TYR: variants seen among roughly 807,000 people sequenced by gnomAD.
The protein encoded by TYR is tyrosinase, also known as LB24-AB.
TYR carries 58 observed loss-of-function variants against 51.5 expected under a neutral mutation model. The ratio of observed to expected loss-of-function variants is 1.13; its 90% confidence interval spans 0.91 to 1.40. TYR has a LOEUF of 1.40. TYR is among the 40% of genes most tolerant of loss of function. The probability of loss-of-function intolerance (pLI) is 0.00; values close to 1 mark genes in which losing one functional copy is unlikely to be tolerated. For missense variants in TYR, 732 were observed against 647.4 expected, an observed-to-expected ratio of 1.13 and a Z score of -1.42; for synonymous variants, 263 against 235.2, an observed-to-expected ratio of 1.12 and a Z score of -1.08.
chr11:89,210,694 A>C (rs1203087782), intron 2 of TYR, among the ~76,000 whole-genome samples: 1 of 152,244 alleles, frequency 6.6e-6, no homozygotes. Flanking sequence ...AATGAAGGAA[A>C]AAGTGTTAAA....
chr11:89,263,300 T>C (rs1343625037), intron 3 of TYR, among the ~76,000 whole-genome samples: 2 of 151,908 alleles, frequency 1.3e-5, no homozygotes, highest in Non-Finnish European at 2.9e-5. Context: ...GTACCTTTCA[T>C]GATTTAAAAA....
intron 2 of TYR, among the ~76,000 whole-genome samples, chr11:89,205,197 T>C (rs78723780): frequency 0.018 from 2,737 of 151,712 alleles, 78 homozygotes; most frequent in African/African-American, 0.062. Context: ...GATAGAAAAA[T>C]AGAAATTACC....
intron 3 of TYR, among the ~76,000 whole-genome samples, chr11:89,249,396 G>A (rs1390358133): frequency 1.4e-5 from 2 of 140,674 alleles, no homozygotes; most frequent in African/African-American, 2.7e-5. Context: ...GTCAGCAAAA[G>A]CAAAGAAGAC....
At chr11:89,283,493 C>T (rs12789480) in intron 3 of TYR, among the ~76,000 whole-genome samples, 20 of 151,754 alleles carry the variant, frequency 1.3e-4, no homozygotes, top group Admixed American at 3.3e-4. Flanking sequence ...AGCTAAGTAA[C>T]GATAGCTTAT....
At chr11:89,242,678 A>T (rs1350431226) in intron 3 of TYR, among the ~76,000 whole-genome samples, 1 of 152,172 alleles carries the variant, frequency 6.6e-6, no homozygotes, top group African/African-American at 2.4e-5. Flanking sequence ...AGTGTGGGCC[A>T]ATGGAAGAAA....
chr11:89,227,280 T>A (rs957656568), intron 2 of TYR, among the ~76,000 whole-genome samples: 1 of 152,122 alleles, frequency 6.6e-6, no homozygotes, highest in Non-Finnish European at 1.5e-5. Context: ...ATTTTTGAAA[T>A]GAATGTTTTG....
chr11:89,275,797 G>A (rs1372635980), intron 3 of TYR, among the ~76,000 whole-genome samples: 1 of 151,808 alleles, frequency 6.6e-6, no homozygotes, highest in Non-Finnish European at 1.5e-5. Context: ...TTTGAACATG[G>A]TTTGAACAGC....
intron 2 of TYR, among the ~76,000 whole-genome samples, chr11:89,217,517 T>C (rs1943847502): frequency 6.6e-6 from 1 of 152,238 alleles, no homozygotes; most frequent in African/African-American, 2.4e-5. Flanking sequence ...GTGGCCCACA[T>C]ACCTTCTGCC....
chr11:89,199,466 G>A (rs1377004218), intron 2 of TYR, among the ~76,000 whole-genome samples: 1 of 152,256 alleles, frequency 6.6e-6, no homozygotes, highest in East Asian at 1.9e-4. Flanking sequence ...TACTGTCTTA[G>A]GAAGATTCAC....
intron 3 of TYR, among the ~76,000 whole-genome samples, chr11:89,245,437 T>C (rs1010061107): frequency 3.3e-5 from 5 of 152,156 alleles, no homozygotes; most frequent in African/African-American, 9.7e-5. Context: ...AAAGTGTATA[T>C]TGGATATAGA....
intron 3 of TYR, among the ~76,000 whole-genome samples, chr11:89,255,465 G>A (rs1944379424): frequency 6.6e-6 from 1 of 151,540 alleles, no homozygotes; most frequent in Admixed American, 6.6e-5. Context: ...TTTAGGAAGG[G>A]TTTGTATTTA....
At chr11:89,219,381 G>C (rs969289643) in intron 2 of TYR, among the ~76,000 whole-genome samples, 2 of 149,290 alleles carry the variant, frequency 1.3e-5, no homozygotes, top group Non-Finnish European at 3.0e-5. Flanking sequence ...TCTGCAACCT[G>C]TGTCTCCCAG....
At chr11:89,242,259 G>C (rs991723412) in intron 3 of TYR, among the ~76,000 whole-genome samples, 26 of 152,094 alleles carry the variant, frequency 1.7e-4, no homozygotes, top group African/African-American at 5.8e-4. Context: ...CCAGGCTGGA[G>C]TGCAGTGGTG....
At chr11:89,211,544 G>A (rs1943755899) in intron 2 of TYR, among the ~76,000 whole-genome samples, 1 of 152,126 alleles carries the variant, frequency 6.6e-6, no homozygotes, top group Non-Finnish European at 1.5e-5. Context: ...ACAGATCAAT[G>A]AGACAGAAAA....
At chr11:89,229,504 T>C (rs1299685017) in intron 3 of TYR, among the ~76,000 whole-genome samples, 1 of 151,958 alleles carries the variant, frequency 6.6e-6, no homozygotes, top group African/African-American at 2.4e-5. Context: ...GTATGACCAC[T>C]CTTGCCACCT....
At chr11:89,218,590 T>C (rs1016978209) in intron 2 of TYR, among the ~76,000 whole-genome samples, 1 of 152,208 alleles carries the variant, frequency 6.6e-6, no homozygotes, top group African/African-American at 2.4e-5. Flanking sequence ...AATTCTTTCC[T>C]ACATCTTTAC....
chr11:89,251,864 T>C (rs1590879242), intron 3 of TYR, among the ~76,000 whole-genome samples: 1 of 151,946 alleles, frequency 6.6e-6, no homozygotes, highest in Admixed American at 6.6e-5. Flanking sequence ...AGACAGTTGC[T>C]CATATCAGTT....
At chr11:89,272,832 TG>T (rs1394132866) in intron 3 of TYR, among the ~76,000 whole-genome samples, 1 of 151,942 alleles carries the variant, frequency 6.6e-6, no homozygotes, top group African/African-American at 2.4e-5. Context: ...TTTTATTTTA[TG>T]AAGATGGGCT....
intron 3 of TYR, among the ~76,000 whole-genome samples, chr11:89,265,243 A>G (rs1944511575): frequency 6.6e-6 from 1 of 152,048 alleles, no homozygotes; most frequent in South Asian, 2.1e-4. Context: ...GTCCAAGGAT[A>G]TATAAGTGGG....
Sources: gnomAD v4.1 joint callset for allele counts (sites outside exome capture counted in the v4.1 genomes callset) on GRCh38, gnomAD v4.1.1 for gene constraint, MANE v1.5 for transcripts, NCBI Gene and HGNC (gene_info 2026-07-23, HGNC 2026-07-21) for gene names.